ADCY5: variants seen among roughly 807,000 people sequenced by gnomAD.
ADCY5 encodes adenylate cyclase type 5.
A neutral mutation model predicts 119.7 loss-of-function variants in ADCY5; 30 were observed. The ratio of observed to expected loss-of-function variants is 0.25; its 90% CI spans 0.19 to 0.34. The LOEUF is 0.34. ADCY5 is among the 10% of genes least tolerant of loss of function. The pLI is 1.00. For synonymous variants in ADCY5, 753 were observed against 762.2 expected (o/e 0.99, Z 0.20); for missense variants, 1,324 against 1,775.2 (o/e 0.75, Z 4.57).
At chr3:123,389,065 G>T (rs985014417) in intron 1 of ADCY5, among the ~76,000 whole-genome samples, 1 of 152,154 alleles carries the variant, frequency 6.6e-6, no homozygotes, top group African/African-American at 2.4e-5. Flanking sequence ...AAGAATGGAG[G>T]CCAGGTCAAA....
intron 2 of ADCY5, among the ~76,000 whole-genome samples, chr3:123,348,910 C>G (rs1304874384): frequency 6.6e-6 from 1 of 152,164 alleles, no homozygotes; most frequent in Non-Finnish European, 1.5e-5. Context: ...AGTCACCCTC[C>G]CACATGGTCC....
rs550166100 is a variant in ADCY5, at chr3:123,441,106, T to C, written c.1134+6306A>G. Among the ~76,000 whole-genome samples the C allele has an allele frequency of 6.6e-5, 10 of 152,222 alleles. No homozygotes were observed. The East Asian group carries it at 1.7e-3, about 26-fold the overall frequency. On this transcript the variant is annotated intron_variant, in intron 1 of 20. Coordinates refer to ENST00000462833, the MANE Select transcript of ADCY5 (RefSeq NM_183357.3). ...TGACCCACAGAATTCCAGGCTTAGG[T>C]GTAACCTGAGCCGTCTTCTTGGCCA... is the stretch of plus-strand genomic sequence containing the variant.
At chr3:123,327,021 G>T (rs956193854) in intron 7 of ADCY5, among the ~76,000 whole-genome samples, 2 of 152,312 alleles carry the variant, frequency 1.3e-5, no homozygotes, top group African/African-American at 4.8e-5. Context: ...TTAGTTTAGG[G>T]AGAAATAGAA....
chr3:123,415,113 C>T (rs543973865), intron 1 of ADCY5, among the ~76,000 whole-genome samples: 78 of 152,298 alleles, frequency 5.1e-4, no homozygotes, highest in African/African-American at 1.9e-3. Context: ...TCTCCCACAG[C>T]CCCCACTGGC....
chr3:123,394,655 G>T (rs1944493024), intron 1 of ADCY5, among the ~76,000 whole-genome samples: 2 of 152,192 alleles, frequency 1.3e-5, no homozygotes. Context: ...AAGTGGTAAG[G>T]CACAGTTTAT....
intron 1 of ADCY5, among the ~76,000 whole-genome samples, chr3:123,394,332 T>C (rs1195665271): frequency 6.6e-6 from 1 of 152,220 alleles, no homozygotes; most frequent in African/African-American, 2.4e-5. Flanking sequence ...CTCATTGTTT[T>C]TGAACGAATT....
intron 13 of ADCY5, among the ~76,000 whole-genome samples, chr3:123,303,838 AAAGAGAAGAGAAGAGAAGAG>A (rs780526569): frequency 1.0e-5 from 1 of 99,456 alleles, no homozygotes; most frequent in East Asian, 4.5e-4. Context: ...ACTGGAAAGA[AAAGAGAAGAGAAGAGAAGAG>A]AAGAGAAGAG....
intron 1 of ADCY5, among the ~76,000 whole-genome samples, chr3:123,397,570 A>G (rs532095272): frequency 6.6e-6 from 1 of 152,326 alleles, no homozygotes; most frequent in African/African-American, 2.4e-5. Context: ...CCAGGAGTTC[A>G]GGGTTACAGT....
chr3:123,422,303 A>C (rs574346245), intron 1 of ADCY5, among the ~76,000 whole-genome samples: 20 of 152,348 alleles, frequency 1.3e-4, no homozygotes, highest in African/African-American at 4.8e-4. Context: ...CACAGTGGCC[A>C]GAGGAGCTAG....
intron 3 of ADCY5, among the ~76,000 whole-genome samples, chr3:123,340,640 G>A (rs889263191): frequency 6.6e-6 from 1 of 152,062 alleles, no homozygotes; most frequent in African/African-American, 2.4e-5. Flanking sequence ...CACCAATTAA[G>A]GCAAACTGAG....
Position 123,297,480 on chromosome 3 carries a change from C to T in ADCY5, c.2901-98G>A, listed in dbSNP as rs1939591657. 6.0e-6 allele frequency: 8 copies of T among 1,329,908 alleles called. No individual in the cohort carries two copies. The East Asian group carries it at 1.6e-4, about 27-fold the overall frequency. The allele number at this position is 1,329,908 out of a possible 1,614,324, so 82.4% of individuals were successfully genotyped here. A position where few individuals can be genotyped will look rare whatever the true frequency, so the allele number is the denominator to read the frequency against. ...CCCACGCCCTGCTCTGCTGTCCCCA[C>T]CACTGCTGCTCCTTGGCTCCCCAGC... On this transcript the variant is annotated intron_variant, in intron 15 of 20. Transcript: ENST00000462833.
chr3:123,409,224 A>G (rs1022385805), intron 1 of ADCY5, among the ~76,000 whole-genome samples: 1 of 152,168 alleles, frequency 6.6e-6, no homozygotes, highest in Non-Finnish European at 1.5e-5. Flanking sequence ...TTTAACCCTT[A>G]TAAGGGTCTG....
chr3:123,312,547 C>G (rs1020935960), intron 12 of ADCY5, among the ~76,000 whole-genome samples: 4 of 152,236 alleles, frequency 2.6e-5, no homozygotes, highest in African/African-American at 4.8e-5. Flanking sequence ...TAAGCAATTA[C>G]ACCTGTTCTC....
rs565140558 is a variant in ADCY5, at chr3:123,330,531, G to A, written c.1646+358C>T. On this transcript the variant is annotated intron_variant, in intron 5 of 20. Coordinates refer to ENST00000462833, the MANE Select transcript of ADCY5 (RefSeq NM_183357.3). ...TGGGAAGAAGTGGAACCAGCAGTTC[G>A]ATGCCTGGCTGGGTGTCTGTAGGAA... Among the ~76,000 whole-genome samples, 5 of 152,292 alleles carry A rather than the reference G, an allele frequency of 3.3e-5. No individual in the cohort carries two copies. In the South Asian group the frequency reaches 8.3e-4, roughly 25 times the overall value.
intron 12 of ADCY5, among the ~76,000 whole-genome samples, chr3:123,306,211 T>C (rs1201831570): frequency 6.6e-6 from 1 of 152,202 alleles, no homozygotes; most frequent in East Asian, 1.9e-4. Context: ...ATCAAATACA[T>C]TGAGGGTCCA....
chr3:123,412,371 C>A (rs992036848), intron 1 of ADCY5, among the ~76,000 whole-genome samples: 7 of 152,162 alleles, frequency 4.6e-5, no homozygotes, highest in Non-Finnish European at 1.5e-5. Context: ...GACGTCCCTG[C>A]GGGCTCTCCC....
intron 1 of ADCY5, among the ~76,000 whole-genome samples, chr3:123,413,375 G>A (rs1291972044): frequency 6.6e-6 from 1 of 152,238 alleles, no homozygotes; most frequent in Non-Finnish European, 1.5e-5. Flanking sequence ...GCCCAAGGAA[G>A]GGTGGTTGAT....
intron 1 of ADCY5, among the ~76,000 whole-genome samples, chr3:123,439,475 ACT>A (rs1265935165): frequency 2.0e-5 from 3 of 152,008 alleles, no homozygotes; most frequent in Non-Finnish European, 2.9e-5. Flanking sequence ...TCTGTCTGAA[ACT>A]CTGAACAGTA....
At position 123,410,470 on chromosome 3, in the gene ADCY5, T is replaced by C. The variant is rs371727001; in HGVS notation, c.1134+36942A>G. Among the ~76,000 whole-genome samples, 10 of 152,324 alleles carry C rather than the reference T, an allele frequency of 6.6e-5. No homozygotes were observed. In the East Asian group the frequency reaches 1.2e-3, roughly 18 times the overall value. On this transcript the variant is annotated intron_variant, in intron 1 of 20. Coordinates refer to ENST00000462833, the MANE Select transcript of ADCY5 (RefSeq NM_183357.3). Reference sequence around the variant, plus strand: ...TGTTGGGGAAGGGCTAATCTCCTATTATTCCAACACCCTTGGCCACATCCT... The same window carrying C: ...TGTTGGGGAAGGGCTAATCTCCTATCATTCCAACACCCTTGGCCACATCCT...
Sources: allele counts gnomAD v4.1 joint callset (sites outside exome capture counted in the v4.1 genomes callset), GRCh38; gene constraint gnomAD v4.1.1; transcripts MANE v1.5; gene names NCBI Gene and HGNC (gene_info 2026-07-23, HGNC 2026-07-21).